Variants in TPO observed in about 807,000 individuals in gnomAD.
TPO encodes the protein thyroid peroxidase.
TPO carries 78 observed loss-of-function variants against 96.9 expected under a neutral mutation model. The ratio of observed to expected loss-of-function variants is 0.81; its 90% CI spans 0.67 to 0.97. TPO has a LOEUF of 0.97. Ranked by LOEUF, TPO falls within the 50% of genes least tolerant of loss-of-function variation. The pLI is 0.00. For synonymous variants in TPO, 547 were observed against 538.0 expected (o/e 1.02, Z -0.23); for missense variants, 1,252 against 1,274.8 (o/e 0.98, Z 0.27).
intron 10 of TPO, among the ~76,000 whole-genome samples, chr2:1,489,731 G>A (rs1014315566): frequency 2.6e-5 from 4 of 152,228 alleles, no homozygotes; most frequent in Admixed American, 6.5e-5. Context: ...TAGCGGGAAG[G>A]GAACAGGAGT....
chr2:1,505,970 T>A (rs1673412467), intron 14 of TPO, among the ~76,000 whole-genome samples: 1 of 151,344 alleles, frequency 6.6e-6, no homozygotes, highest in Non-Finnish European at 1.5e-5. Context: ...CATTAACTCG[T>A]CATTTAACAT....
chr2:1,463,224 C>A (rs924873995), intron 7 of TPO, among the ~76,000 whole-genome samples: 14 of 152,100 alleles, frequency 9.2e-5, no homozygotes, highest in African/African-American at 3.1e-4. Context: ...GAGTGTCCAT[C>A]AATTATTCAG....
intron 7 of TPO, among the ~76,000 whole-genome samples, chr2:1,476,762 C>T (rs1354507521): frequency 6.6e-6 from 1 of 152,094 alleles, no homozygotes; most frequent in African/African-American, 2.4e-5. Flanking sequence ...GGCAAGAGAC[C>T]ACCAGTGAGC....
chr2:1,526,312 G>C (rs1193185514), intron 15 of TPO, among the ~76,000 whole-genome samples: 3 of 86,324 alleles, frequency 3.5e-5, no homozygotes, highest in Non-Finnish European at 6.4e-5. Context: ...CTCCCCCACT[G>C]TGAGCAAAAC....
intron 9 of TPO, among the ~76,000 whole-genome samples, chr2:1,486,946 A>G (rs1187396338): frequency 6.6e-6 from 1 of 152,214 alleles, no homozygotes; most frequent in Non-Finnish European, 1.5e-5. Context: ...GTCATCCCAC[A>G]CAGGACGATG....
intron 1 of TPO, among the ~76,000 whole-genome samples, chr2:1,387,761 C>T (rs970049817): frequency 5.3e-5 from 8 of 152,228 alleles, no homozygotes; most frequent in Non-Finnish European, 7.3e-5. Context: ...TGAGGAGCTG[C>T]GTTCCTTTGG....
intron 5 of TPO, chr2:1,439,058 A>G (rs1665897082): frequency 1.9e-6 from 1 of 538,980 alleles, no homozygotes; most frequent in East Asian, 2.9e-5. Context: ...TAAAAAATGT[A>G]TTGTGCCTAA....
chr2:1,401,973 C>T (rs996186866), intron 1 of TPO, among the ~76,000 whole-genome samples: 3 of 152,208 alleles, frequency 2.0e-5, no homozygotes, highest in Non-Finnish European at 4.4e-5. Flanking sequence ...GAGACAAAAG[C>T]CAGCCAGACC....
intron 7 of TPO, among the ~76,000 whole-genome samples, chr2:1,473,596 A>G (rs927143145): frequency 1.3e-5 from 2 of 152,238 alleles, no homozygotes; most frequent in African/African-American, 2.4e-5. Context: ...AAGTACTATC[A>G]TTATTATTGT....
intron 9 of TPO, among the ~76,000 whole-genome samples, chr2:1,485,933 T>C (rs917929336): frequency 3.9e-5 from 6 of 152,242 alleles, no homozygotes; most frequent in Non-Finnish European, 8.8e-5. Flanking sequence ...TTTTGGCTTT[T>C]GTTGCCATTG....
chr2:1,492,997 C>T (rs928778668), intron 10 of TPO, among the ~76,000 whole-genome samples: 2 of 151,832 alleles, frequency 1.3e-5, no homozygotes, highest in South Asian at 2.1e-4. Context: ...GGGAGGGGCA[C>T]GAGTGTCAGG....
At chr2:1,509,243 C>T (rs548055932) in intron 14 of TPO, among the ~76,000 whole-genome samples, 1 of 152,170 alleles carries the variant, frequency 6.6e-6, no homozygotes, top group African/African-American at 2.4e-5. Flanking sequence ...GCACTGTGGT[C>T]GGAGAGACGG....
intron 3 of TPO, among the ~76,000 whole-genome samples, chr2:1,426,381 A>G (rs928797131): frequency 6.6e-5 from 10 of 150,724 alleles, no homozygotes; most frequent in East Asian, 1.9e-4. Context: ...TCATTTTTCT[A>G]GATGCCGGGA....
At chr2:1,447,334 C>CA (rs1217484195) in intron 5 of TPO, among the ~76,000 whole-genome samples, 1 of 152,228 alleles carries the variant, frequency 6.6e-6, no homozygotes, top group East Asian at 1.9e-4. Context: ...TTTACTCTTT[C>CA]AAAAAATTGC....
In TPO at chr2:1,437,863, A is replaced by C. The variant is rs1033344685; in HGVS notation, c.482+1479A>C. 3.9e-5 allele frequency among the ~76,000 whole-genome samples: 6 copies of C among 152,028 alleles called. No individual in the cohort carries two copies. The South Asian group carries it at 1.0e-3, about 26-fold the overall frequency. On this transcript the variant is annotated intron_variant, in intron 5 of 16. Transcript: ENST00000329066. Reference sequence around the variant, plus strand: ...GGGGGGGTCTGTGCCTTCCCGTGGAAGTGGGCTCAGAGGTGGAGATGGCAT... The same window carrying C: ...GGGGGGGTCTGTGCCTTCCCGTGGACGTGGGCTCAGAGGTGGAGATGGCAT...
intron 1 of TPO, among the ~76,000 whole-genome samples, chr2:1,383,122 TCATTGTTGGA>T (rs1216060273): frequency 6.6e-6 from 1 of 152,130 alleles, no homozygotes; most frequent in Non-Finnish European, 1.5e-5. Flanking sequence ...ATCCAGTCTA[TCATTGTTGGA>T]CATTAGGGTT....
rs550923528 is a variant in TPO, at chr2:1,512,094, C to T, written c.2519-4789C>T. The stretch of plus-strand genomic sequence containing the variant: ...TGTCGCCTAGACTGGAGTGCAGTGG[C>T]GCGATCTCAGCCCACTGCAAGCTCC... On this transcript the variant is annotated intron_variant, in intron 14 of 16. Transcript: ENST00000329066. 2.2e-4 allele frequency among the ~76,000 whole-genome samples: 33 copies of T among 151,748 alleles called. No individual in the cohort carries two copies. The South Asian group carries it at 5.2e-3, about 24-fold the overall frequency.
chr2:1,379,883 G>A (rs1051878410), intron 1 of TPO, among the ~76,000 whole-genome samples: 5 of 152,174 alleles, frequency 3.3e-5, no homozygotes, highest in African/African-American at 1.2e-4. Context: ...GGGCAGGCAT[G>A]TGTCCTGTAG....
At chr2:1,409,865 C>A (rs1012113789), upstream of TPO, among the ~76,000 whole-genome samples, 6 of 151,674 alleles carry the variant, frequency 4.0e-5, no homozygotes, top group Non-Finnish European at 7.4e-5. Context: ...ACCTCATGAT[C>A]TCCCTCCTAT....
Sources: gnomAD v4.1 joint callset for allele counts (sites outside exome capture counted in the v4.1 genomes callset) on GRCh38, gnomAD v4.1.1 for gene constraint, MANE v1.5 for transcripts, NCBI Gene and HGNC (gene_info 2026-07-23, HGNC 2026-07-21) for gene names.